AGBL4: variants seen among roughly 807,000 people sequenced by gnomAD.
AGBL4 encodes the protein AGBL carboxypeptidase 4, also known as cytosolic carboxypeptidase 6.
Under a neutral mutation model 66.4 loss-of-function variants are expected in AGBL4, and 58 were observed. The ratio of observed to expected loss-of-function variants is 0.87; its 90% CI spans 0.71 to 1.09. The LOEUF (loss-of-function observed/expected upper bound fraction) is 1.09, where lower values mean the gene tolerates loss of function less well. Ranked by LOEUF, AGBL4 falls within the 50% of genes least tolerant of loss-of-function variation. The pLI is 0.00. For missense variants in AGBL4, 579 were observed against 631.0 expected (o/e 0.92, Z 0.88); for synonymous variants, 234 against 222.9 (o/e 1.05, Z -0.44).
At chr1:49,200,270 C>T (rs1414195449) in intron 4 of AGBL4, among the ~76,000 whole-genome samples, 2 of 152,200 alleles carry the variant, frequency 1.3e-5, no homozygotes, top group Admixed American at 6.5e-5. Context: ...ATTTCAGATA[C>T]TTTGTAAAAA....
intron 9 of AGBL4, among the ~76,000 whole-genome samples, chr1:48,622,656 G>A (rs1557835008): frequency 6.6e-6 from 1 of 151,600 alleles, no homozygotes; most frequent in Non-Finnish European, 1.5e-5. Flanking sequence ...GCTAATTTTT[G>A]TATTTTTAGT....
intron 4 of AGBL4, among the ~76,000 whole-genome samples, chr1:49,122,022 C>T (rs551931160): frequency 2.4e-4 from 37 of 152,344 alleles, no homozygotes; most frequent in African/African-American, 4.8e-4. Context: ...GAGCCAGGCA[C>T]GGGAGAGAAT....
intron 1 of AGBL4, among the ~76,000 whole-genome samples, chr1:49,983,843 T>C (rs1659282118): frequency 6.6e-6 from 1 of 152,206 alleles, no homozygotes; most frequent in Non-Finnish European, 1.5e-5. Flanking sequence ...CCAGTCCCAA[T>C]CACTGACTGA....
intron 5 of AGBL4, among the ~76,000 whole-genome samples, chr1:48,961,315 CCA>C (rs1657958468): frequency 6.6e-6 from 1 of 152,172 alleles, no homozygotes; most frequent in Admixed American, 6.5e-5. Context: ...TCCTGAAATG[CCA>C]GTCATTTTTA....
chr1:49,069,213 T>G (rs1176204687), intron 4 of AGBL4, among the ~76,000 whole-genome samples: 1 of 152,234 alleles, frequency 6.6e-6, no homozygotes, highest in Non-Finnish European at 1.5e-5. Flanking sequence ...TTTCTTTTGC[T>G]GTGCAGAAGC....
chr1:49,092,584 G>C (rs1367784713), intron 4 of AGBL4, among the ~76,000 whole-genome samples: 1 of 152,132 alleles, frequency 6.6e-6, no homozygotes, highest in Non-Finnish European at 1.5e-5. Flanking sequence ...ATCTAGACTA[G>C]TACCTGTGCA....
At chr1:49,893,550 C>T (rs1648864765) in intron 1 of AGBL4, among the ~76,000 whole-genome samples, 1 of 152,126 alleles carries the variant, frequency 6.6e-6, no homozygotes, top group South Asian at 2.1e-4. Context: ...CTGAAAAGCC[C>T]TTGGGCCTTA....
intron 4 of AGBL4, among the ~76,000 whole-genome samples, chr1:49,219,455 G>A (rs1649330510): frequency 6.6e-6 from 1 of 152,010 alleles, no homozygotes; most frequent in Non-Finnish European, 1.5e-5. Context: ...CCCATATCAT[G>A]ATATTCATGA....
intron 6 of AGBL4, among the ~76,000 whole-genome samples, chr1:48,723,693 T>C (rs971015852): frequency 4.6e-5 from 7 of 152,174 alleles, no homozygotes; most frequent in Non-Finnish European, 7.4e-5. Flanking sequence ...TTGGCTATAA[T>C]AAAAGAAAAT....
chr1:49,472,857 C>A (rs1646772621), intron 3 of AGBL4, among the ~76,000 whole-genome samples: 1 of 151,912 alleles, frequency 6.6e-6, no homozygotes, highest in African/African-American at 2.4e-5. Context: ...GTTTATTGTT[C>A]CCATCTTTGT....
At chr1:48,523,908 A>C in the AGBL4 span, among the ~76,000 whole-genome samples, 4 of 152,236 alleles carry the variant, frequency 2.6e-5, no homozygotes, top group African/African-American at 9.6e-5. Flanking sequence ...CAAGTATGTT[A>C]TTCTACTGAA....
chr1:49,462,556 G>A (rs1205301325), intron 3 of AGBL4, among the ~76,000 whole-genome samples: 1 of 151,654 alleles, frequency 6.6e-6, no homozygotes, highest in African/African-American at 2.4e-5. Flanking sequence ...AAGGGAAATG[G>A]ATCAGCTGCC....
intron 3 of AGBL4, among the ~76,000 whole-genome samples, chr1:49,616,456 A>G (rs992255303): frequency 6.6e-6 from 1 of 152,066 alleles, no homozygotes; most frequent in African/African-American, 2.4e-5. Context: ...CTCTAAATAT[A>G]TTCTCCTCAG....
chr1:49,067,909 C>A (rs1243825401), intron 4 of AGBL4, among the ~76,000 whole-genome samples: 1 of 150,984 alleles, frequency 6.6e-6, no homozygotes, highest in Non-Finnish European at 1.5e-5. Flanking sequence ...CTCCCCCAGC[C>A]CCCCACACCC....
chr1:49,048,371 G>A (rs898765364), intron 4 of AGBL4: 1 of 152,102 alleles, frequency 6.6e-6, no homozygotes, highest in Non-Finnish European at 1.5e-5. Context: ...GTGCTATCAG[G>A]AGAATCCATC....
chr1:49,090,047 T>G (rs1046007622), intron 4 of AGBL4, among the ~76,000 whole-genome samples: 1 of 152,164 alleles, frequency 6.6e-6, no homozygotes, highest in South Asian at 2.1e-4. Context: ...CATGGCTTCA[T>G]GTTAAAAATC....
chr1:49,484,304 T>C (rs1647018023), intron 3 of AGBL4, among the ~76,000 whole-genome samples: 1 of 152,112 alleles, frequency 6.6e-6, no homozygotes, highest in Admixed American at 6.6e-5. Context: ...ACTCCCATGT[T>C]TATTTCAGCA....
chr1:49,380,514 CA>C (rs1644578384), intron 3 of AGBL4, among the ~76,000 whole-genome samples: 1 of 151,782 alleles, frequency 6.6e-6, no homozygotes, highest in South Asian at 2.1e-4. Context: ...CATATGGAAC[CA>C]AAAAAGAGCC....
rs192102028 is a variant in AGBL4, at chr1:49,522,781, A to C, written c.282+174532T>G. On this transcript the variant is annotated intron_variant, in intron 3 of 13. Transcript: ENST00000371839. Reference sequence around the variant, plus strand: ...TCTCCCCTGAATCAATCTGGAAAAAACCTTTCTGATACAGTGTAGAAGCAC... The same window carrying C: ...TCTCCCCTGAATCAATCTGGAAAAACCCTTTCTGATACAGTGTAGAAGCAC... 7.9e-5 allele frequency among the ~76,000 whole-genome samples: 12 copies of C among 152,034 alleles called. No homozygotes were observed. The East Asian group carries it at 2.3e-3, about 29-fold the overall frequency.
Sources: gnomAD v4.1 joint callset for allele counts (sites outside exome capture counted in the v4.1 genomes callset) on GRCh38, gnomAD v4.1.1 for gene constraint, MANE v1.5 for transcripts, NCBI Gene and HGNC (gene_info 2026-07-23, HGNC 2026-07-21) for gene names.